FSTL5: variants seen among roughly 807,000 people sequenced by gnomAD.
FSTL5 encodes follistatin like 5.
FSTL5 carries 62 observed loss-of-function variants against 89.1 expected under a neutral mutation model. That is an observed-to-expected ratio of 0.70 (90% CI 0.57 to 0.86). The LOEUF is 0.86. Among genes scored for constraint, FSTL5 ranks in the 40% least tolerant of loss-of-function variants. The probability of loss-of-function intolerance (pLI) is 0.00; values close to 1 mark genes in which losing one functional copy is unlikely to be tolerated. For synonymous variants in FSTL5, 383 were observed against 346.2 expected, an observed-to-expected ratio of 1.11 and a Z score of -1.18; for missense variants, 1,057 against 1,001.6, an observed-to-expected ratio of 1.06 and a Z score of -0.75.
chr4:161,652,591 G>A (rs1736378567), intron 7 of FSTL5, among the ~76,000 whole-genome samples: 1 of 152,006 alleles, frequency 6.6e-6, no homozygotes, highest in Admixed American at 6.6e-5. Context: ...TATATGCAAT[G>A]CATGAAAAGA....
rs28403230 is a variant in FSTL5 at position 161,395,627 on chromosome 4, C to T, written c.1842-9178G>A. On this transcript the variant is annotated intron_variant, in intron 15 of 15. Coordinates refer to ENST00000306100, the MANE Select transcript of FSTL5 (RefSeq NM_020116.5). ...AACTGACTGTAAATTTTATGGAAAC[C>T]CTACCATAAAAGACAGCCAATAGGT... is the stretch of plus-strand genomic sequence containing the variant. Among the ~76,000 whole-genome samples the T allele has an allele frequency of 9.9e-3, 1,498 of 151,884 alleles. 21 individuals are homozygous for T. The highest frequency in any genetic ancestry group is 0.054 in the East Asian group (280 of 5,158).
intron 8 of FSTL5, among the ~76,000 whole-genome samples, chr4:161,563,009 A>G (rs1433356714): frequency 9.2e-5 from 14 of 151,970 alleles, no homozygotes; most frequent in African/African-American, 3.1e-4. Flanking sequence ...AGGATGTAAC[A>G]ACAACATGAG....
chr4:162,152,848 T>C (rs1443308496), intron 1 of FSTL5, among the ~76,000 whole-genome samples: 3 of 149,804 alleles, frequency 2.0e-5, no homozygotes, highest in Admixed American at 6.7e-5. Flanking sequence ...ATGCTCTGTA[T>C]AGTATGTTTA....
chr4:162,032,024 G>A (rs1737548815), intron 3 of FSTL5, among the ~76,000 whole-genome samples: 1 of 152,044 alleles, frequency 6.6e-6, no homozygotes, highest in Non-Finnish European at 1.5e-5. Flanking sequence ...TGAAAGGAGT[G>A]ACAAGCATCA....
intron 15 of FSTL5, among the ~76,000 whole-genome samples, chr4:161,422,808 CAA>C (rs1732035812): frequency 6.7e-6 from 1 of 150,048 alleles, no homozygotes; most frequent in African/African-American, 2.5e-5. Flanking sequence ...AAAGAGAATA[CAA>C]AAGAAGTCAG....
intron 15 of FSTL5, among the ~76,000 whole-genome samples, chr4:161,402,935 C>T (rs190532422): frequency 0.018 from 2,801 of 152,030 alleles, 84 homozygotes; most frequent in African/African-American, 0.064. Context: ...TATTCTCCTG[C>T]CTCAGCCGCC....
chr4:161,898,974 T>C (rs1733263554), intron 4 of FSTL5, among the ~76,000 whole-genome samples: 1 of 152,088 alleles, frequency 6.6e-6, no homozygotes, highest in South Asian at 2.1e-4. Context: ...CACTCCTCTG[T>C]CTCCATCTCC....
At chr4:162,111,905 G>T (rs1484837522) in intron 1 of FSTL5, among the ~76,000 whole-genome samples, 1 of 152,102 alleles carries the variant, frequency 6.6e-6, no homozygotes, top group Non-Finnish European at 1.5e-5. Flanking sequence ...AATTAACTGA[G>T]TACAACAGAA....
At chr4:161,620,518 CGG>C (rs1169928068) in intron 7 of FSTL5, among the ~76,000 whole-genome samples, 3 of 151,770 alleles carry the variant, frequency 2.0e-5, no homozygotes, top group African/African-American at 2.4e-5. Flanking sequence ...TAGCCGGGCG[CGG>C]TGGCAGGCGC....
At chr4:161,553,481 C>T (rs1732283371) in intron 8 of FSTL5, among the ~76,000 whole-genome samples, 1 of 151,106 alleles carries the variant, frequency 6.6e-6, no homozygotes, top group African/African-American at 2.4e-5. Context: ...ATTCACTGAG[C>T]AACTCCTGAG....
intron 6 of FSTL5, among the ~76,000 whole-genome samples, chr4:161,746,970 CA>C (rs1267303064): frequency 6.6e-6 from 1 of 152,178 alleles, no homozygotes; most frequent in Admixed American, 6.5e-5. Flanking sequence ...GACTCTTATT[CA>C]GCGGCGTATG....
intron 6 of FSTL5, among the ~76,000 whole-genome samples, chr4:161,687,157 T>C (rs1033613096): frequency 2.0e-5 from 3 of 152,152 alleles, no homozygotes; most frequent in Non-Finnish European, 4.4e-5. Context: ...GGTTAAATGG[T>C]TAAATATTAC....
rs147793801 is a variant in FSTL5, at chr4:161,958,138, T to C, written c.161-37486A>G. 7.9e-4 allele frequency among the ~76,000 whole-genome samples: 120 copies of C among 152,204 alleles called. No individual in the cohort carries two copies. The Middle Eastern group carries it at 0.02, about 26-fold the overall frequency. ...GCTGTTTATTCTTCCACTGTATCTATCCTATCAGACGTTGTGGTTTTCAGT... is the reference window on the plus strand; with the variant it reads ...GCTGTTTATTCTTCCACTGTATCTACCCTATCAGACGTTGTGGTTTTCAGT... On this transcript the variant is annotated intron_variant, in intron 3 of 15. Transcript: ENST00000306100.
intron 7 of FSTL5, among the ~76,000 whole-genome samples, chr4:161,643,169 T>C (rs1324087529): frequency 1.3e-5 from 2 of 152,206 alleles, no homozygotes; most frequent in South Asian, 2.1e-4. Flanking sequence ...TACAGTTCAA[T>C]ACTCAGATGC....
intron 15 of FSTL5, among the ~76,000 whole-genome samples, chr4:161,416,087 A>G (rs953645145): frequency 6.6e-6 from 1 of 152,118 alleles, no homozygotes; most frequent in African/African-American, 2.4e-5. Flanking sequence ...TATAGATGGA[A>G]TGGCAAGTGT....
chr4:162,062,936 C>T (rs1738770012), intron 2 of FSTL5, among the ~76,000 whole-genome samples: 1 of 151,406 alleles, frequency 6.6e-6, no homozygotes, highest in Non-Finnish European at 1.5e-5. Context: ...AAATAATATT[C>T]ATGGTTTCTT....
At chr4:161,450,934 C>T (rs1028121271) in intron 15 of FSTL5, among the ~76,000 whole-genome samples, 2 of 151,754 alleles carry the variant, frequency 1.3e-5, no homozygotes, top group African/African-American at 2.4e-5. Context: ...TCAGTAGAGA[C>T]GAGGTTTCAC....
chr4:161,807,978 C>T (rs535270891), intron 4 of FSTL5, among the ~76,000 whole-genome samples: 8 of 151,730 alleles, frequency 5.3e-5, no homozygotes, highest in African/African-American at 1.5e-4. Flanking sequence ...GCAAAGAGCA[C>T]GAATAATATT....
intron 4 of FSTL5, among the ~76,000 whole-genome samples, chr4:161,912,262 A>G (rs1022506122): frequency 6.6e-6 from 1 of 152,172 alleles, no homozygotes; most frequent in Admixed American, 6.5e-5. Context: ...TGACAAGAGG[A>G]TACTGAGAAA....
Sources: allele counts gnomAD v4.1 joint callset (sites outside exome capture counted in the v4.1 genomes callset), GRCh38; gene constraint gnomAD v4.1.1; transcripts MANE v1.5; gene names NCBI Gene and HGNC (gene_info 2026-07-23, HGNC 2026-07-21).